The following ITPR2 variants were observed in gnomAD, a reference collection of about 807,000 sequenced individuals.
The protein encoded by ITPR2 is inositol 1,4,5-trisphosphate-gated calcium channel ITPR2.
A neutral mutation model predicts 317.1 loss-of-function variants in ITPR2; 207 were observed. That is an observed-to-expected ratio of 0.65 (90% CI 0.58 to 0.73). The LOEUF (loss-of-function observed/expected upper bound fraction) is 0.73, where lower values mean the gene tolerates loss of function less well. Ranked by LOEUF, ITPR2 falls within the 30% of genes least tolerant of loss-of-function variation. The pLI, the probability that ITPR2 is intolerant of heterozygous loss-of-function variation, is 0.00. For synonymous variants in ITPR2, 1,156 were observed against 1,149.1 expected, an observed-to-expected ratio of 1.01 and a Z score of -0.12; for missense variants, 2,613 against 3,284.0, an observed-to-expected ratio of 0.80 and a Z score of 4.99.
At chr12:26,451,544 A>T (rs931597119) in intron 45 of ITPR2, among the ~76,000 whole-genome samples, 1 of 152,162 alleles carries the variant, frequency 6.6e-6, no homozygotes, top group African/African-American at 2.4e-5. Flanking sequence ...TTTATCTATT[A>T]TCTTTTTAAA....
intron 2 of ITPR2, among the ~76,000 whole-genome samples, chr12:26,728,397 A>G (rs1948970757): frequency 6.6e-6 from 1 of 152,196 alleles, no homozygotes; most frequent in Non-Finnish European, 1.5e-5. Context: ...GGGTTTCAAA[A>G]GCCCTTTCCA....
rs538989910 is a variant in ITPR2 at position 26,423,106 on chromosome 12, A to G, written c.6946-3893T>C. ...TACTAAATTCATCTCATCATACTTT[A>G]ACCCCAGCGTTGGAGCAGTTTTCTG... On this transcript the variant is annotated intron_variant, in intron 49 of 56. Transcript: ENST00000381340. Among the ~76,000 whole-genome samples the G allele has an allele frequency of 3.3e-5, 5 of 152,238 alleles. No homozygotes were observed. In the South Asian group the frequency reaches 1.0e-3, roughly 32 times the overall value.
intron 37 of ITPR2, among the ~76,000 whole-genome samples, chr12:26,542,317 G>A (rs1003999857): frequency 1.3e-5 from 2 of 152,166 alleles, no homozygotes; most frequent in Admixed American, 6.5e-5. Flanking sequence ...TTTTGTAACT[G>A]AGAAAATAAA....
intron 9 of ITPR2, among the ~76,000 whole-genome samples, chr12:26,706,763 C>T (rs1948560550): frequency 6.6e-6 from 1 of 152,158 alleles, no homozygotes; most frequent in South Asian, 2.1e-4. Flanking sequence ...AGTTAAACTT[C>T]CTCAAACTTC....
intron 13 of ITPR2, among the ~76,000 whole-genome samples, chr12:26,666,946 T>C (rs7134213): frequency 0.56 from 84,529 of 151,964 alleles, 23,759 homozygotes; most frequent in East Asian, 0.66. Flanking sequence ...ATGAGGAATC[T>C]GTATTGGAAG....
At chr12:26,406,435 T>G (rs1032505969) in intron 52 of ITPR2, 9 of 146,776 alleles carry the variant, frequency 6.1e-5, no homozygotes, top group South Asian at 4.3e-4. Context: ...GAAGTTTTTT[T>G]TTTTTTTTTT....
chr12:26,547,491 A>G (rs1191528478), intron 37 of ITPR2, among the ~76,000 whole-genome samples: 4 of 152,248 alleles, frequency 2.6e-5, no homozygotes, highest in Non-Finnish European at 5.9e-5. Context: ...AAAACAGTAC[A>G]GAGATTTCTC....
At chr12:26,593,925 G>A (rs1945772554) in intron 32 of ITPR2, among the ~76,000 whole-genome samples, 1 of 152,132 alleles carries the variant, frequency 6.6e-6, no homozygotes, top group Non-Finnish European at 1.5e-5. Flanking sequence ...ACCTTGATCT[G>A]TTTCAAGCTT....
rs185688179 is a variant in ITPR2 at position 26,533,580 on chromosome 12, G to A, written c.5073+16667C>T. On this transcript the variant is annotated intron_variant, in intron 37 of 56. Coordinates refer to ENST00000381340, the MANE Select transcript of ITPR2 (RefSeq NM_002223.4). ...AACCATATTCAGAAATAAGATCTTT[G>A]AAGAGGTAATTACATTAAAATGAGG... is the stretch of plus-strand genomic sequence containing the variant. 9.9e-5 allele frequency among the ~76,000 whole-genome samples: 15 copies of A among 152,282 alleles called. No homozygotes were observed. The East Asian group carries it at 2.9e-3, about 29-fold the overall frequency.
At chr12:26,680,467 T>A (rs1359260308) in intron 13 of ITPR2, among the ~76,000 whole-genome samples, 1 of 152,148 alleles carries the variant, frequency 6.6e-6, no homozygotes, top group Non-Finnish European at 1.5e-5. Flanking sequence ...GTTTTTTAAA[T>A]TTTTTTAACT....
intron 39 of ITPR2, among the ~76,000 whole-genome samples, chr12:26,490,195 T>C (rs1208963974): frequency 1.3e-5 from 2 of 152,272 alleles, no homozygotes; most frequent in South Asian, 2.1e-4. Context: ...TGAAATTCAA[T>C]TGGAGAGGCA....
At chr12:26,409,948 T>C (rs980240213) in intron 52 of ITPR2, among the ~76,000 whole-genome samples, 5 of 152,134 alleles carry the variant, frequency 3.3e-5, no homozygotes, top group African/African-American at 7.2e-5. Flanking sequence ...CCTAATTATA[T>C]GAGAACAGGG....
intron 32 of ITPR2, among the ~76,000 whole-genome samples, chr12:26,582,920 C>G (rs1945438203): frequency 6.6e-6 from 1 of 152,092 alleles, no homozygotes; most frequent in African/African-American, 2.4e-5. Context: ...AGTCAGGCAC[C>G]TACTCTACCT....
intron 35 of ITPR2, among the ~76,000 whole-genome samples, 159 bp downstream of exon 35, chr12:26,561,603 C>A (rs757170750): frequency 6.6e-6 from 1 of 152,124 alleles, no homozygotes; most frequent in African/African-American, 2.4e-5. Flanking sequence ...CATATGGAAG[C>A]TATATGTTTA....
intron 21 of ITPR2, among the ~76,000 whole-genome samples, chr12:26,648,510 C>CTT (rs34607660): frequency 0.017 from 2,266 of 131,300 alleles, 21 homozygotes; most frequent in Non-Finnish European, 0.02. Context: ...AAACCACTTT[C>CTT]TTTTTTTTTT....
At chr12:26,581,275 G>A (rs1366085424) in intron 32 of ITPR2, among the ~76,000 whole-genome samples, 1 of 152,104 alleles carries the variant, frequency 6.6e-6, no homozygotes, top group Non-Finnish European at 1.5e-5. Flanking sequence ...TGAGATCTGG[G>A]AGCACTAATG....
intron 13 of ITPR2, among the ~76,000 whole-genome samples, chr12:26,679,184 C>A (rs1307058101): frequency 1.3e-5 from 2 of 152,118 alleles, no homozygotes; most frequent in Non-Finnish European, 2.9e-5. Flanking sequence ...TTTCCCCTAA[C>A]AGGGTTGGAG....
At chr12:26,557,071 C>A (rs997608482) in intron 35 of ITPR2, among the ~76,000 whole-genome samples, 4 of 151,864 alleles carry the variant, frequency 2.6e-5, no homozygotes, top group South Asian at 2.1e-4. Flanking sequence ...AGAGCCAAAC[C>A]CTGTCTCAAA....
At chr12:26,710,663 T>C (rs1948629400) in intron 9 of ITPR2, among the ~76,000 whole-genome samples, 2 of 152,246 alleles carry the variant, frequency 1.3e-5, no homozygotes, top group Admixed American at 6.5e-5. Flanking sequence ...CAACATACTT[T>C]TAGTGGATAA....
Sources: allele counts gnomAD v4.1 joint callset (sites outside exome capture counted in the v4.1 genomes callset), GRCh38; gene constraint gnomAD v4.1.1; transcripts MANE v1.5; gene names NCBI Gene and HGNC (gene_info 2026-07-23, HGNC 2026-07-21).